RNLS: variants seen among roughly 807,000 people sequenced by gnomAD.
RNLS encodes renalase, FAD dependent amine oxidase, also known as renalase.
Under a neutral mutation model 39.8 loss-of-function variants are expected in RNLS, and 39 were observed. The observed-to-expected ratio is 0.98, with a 90% confidence interval of 0.76 to 1.28. The LOEUF is 1.28. RNLS is among the 50% of genes most tolerant of loss of function. RNLS has a pLI of 0.00. For synonymous variants in RNLS, 147 were observed against 150.7 expected (o/e 0.98, Z 0.18); for missense variants, 410 against 413.3 (o/e 0.99, Z 0.07).
At chr10:88,494,049 C>T (rs1460582816) in intron 4 of RNLS, among the ~76,000 whole-genome samples, 1 of 152,054 alleles carries the variant, frequency 6.6e-6, no homozygotes, top group African/African-American at 2.4e-5. Context: ...AGTAGACACA[C>T]ACACAAAAAT....
intron 4 of RNLS, among the ~76,000 whole-genome samples, chr10:88,403,383 A>G (rs1395400140): frequency 1.3e-5 from 2 of 152,080 alleles, no homozygotes; most frequent in Admixed American, 1.3e-4. Flanking sequence ...GGTAAATAGA[A>G]ATTATTGTTA....
At chr10:88,248,615 C>G in the RNLS span, among the ~76,000 whole-genome samples, 1 of 152,092 alleles carries the variant, frequency 6.6e-6, no homozygotes, top group East Asian at 1.9e-4. Flanking sequence ...ATTCAATATT[C>G]CAAGTTCTGG....
At chr10:88,187,147 T>TATATATA in the RNLS span, among the ~76,000 whole-genome samples, 35 of 116,202 alleles carry the variant, frequency 3.0e-4, no homozygotes, top group African/African-American at 1.0e-3. Context: ...GCTCAAAAAA[T>TATATATA]ATATATATAT....
intron 4 of RNLS, among the ~76,000 whole-genome samples, chr10:88,487,876 G>C (rs1303676344): frequency 6.6e-6 from 1 of 152,098 alleles, no homozygotes; most frequent in Non-Finnish European, 1.5e-5. Context: ...CCATAAAAGG[G>C]ATACTAATCA....
In RNLS at chr10:88,530,792, A is replaced by G. The variant is rs1367930783; in HGVS notation, c.526+42111T>C. 2.6e-5 allele frequency among the ~76,000 whole-genome samples: 4 copies of G among 152,310 alleles called. No individual in the cohort carries two copies. The East Asian group carries it at 7.7e-4, about 29-fold the overall frequency. On this transcript the variant is annotated intron_variant, in intron 4 of 6. Transcript: ENST00000331772. The stretch of plus-strand genomic sequence containing the variant: ...ACTGAAAATATAACATTTTTCTCAC[A>G]AAATATGGCTTTGATTCTGGCTAAA...
chr10:88,230,803 T>C, the RNLS span, among the ~76,000 whole-genome samples: 1 of 152,246 alleles, frequency 6.6e-6, no homozygotes, highest in East Asian at 1.9e-4. Flanking sequence ...GATTATCCCA[T>C]TGGTTCCTCC....
At chr10:88,577,051 C>T (rs1850251722) in intron 3 of RNLS, among the ~76,000 whole-genome samples, 1 of 152,116 alleles carries the variant, frequency 6.6e-6, no homozygotes, top group Admixed American at 6.6e-5. Context: ...AGCAAAAGGA[C>T]CTGGCCCATC....
chr10:88,355,326 T>A (rs775379780), intron 5 of RNLS, among the ~76,000 whole-genome samples: 3 of 152,210 alleles, frequency 2.0e-5, no homozygotes, highest in Non-Finnish European at 2.9e-5. Context: ...TGTTCTGTTT[T>A]TTCCCCATCT....
At chr10:88,352,017 T>C (rs1162497884) in intron 5 of RNLS, among the ~76,000 whole-genome samples, 4 of 152,202 alleles carry the variant, frequency 2.6e-5, no homozygotes, top group African/African-American at 9.7e-5. Flanking sequence ...TATTGGTGTA[T>C]AAGAATGCTT....
In RNLS at chr10:88,583,229, C is replaced by T; in HGVS notation, c.-39G>A. ...AGCGATCCGCGCTGAGTCTCTGCGG[C>T]GGGGCCGTTCGGCCCGGGCTTTCTG... On this transcript the variant is annotated 5_prime_UTR_variant, in exon 1 of 7. Coordinates refer to ENST00000331772, the MANE Select transcript of RNLS (RefSeq NM_001031709.3). The T allele has an allele frequency of 6.2e-7, 1 of 1,608,480 alleles. No individual in the cohort carries two copies. Among genetic ancestry groups the T allele is most frequent in the South Asian group, 1.1e-5 (1 of 90,700 alleles).
At chr10:88,522,298 T>C (rs564831874) in intron 4 of RNLS, among the ~76,000 whole-genome samples, 2 of 152,202 alleles carry the variant, frequency 1.3e-5, no homozygotes, top group South Asian at 2.1e-4. Context: ...TTTAATCCTA[T>C]GCAAAGTGGG....
At chr10:88,257,541 A>G in the RNLS span, among the ~76,000 whole-genome samples, 9 of 152,194 alleles carry the variant, frequency 5.9e-5, no homozygotes, top group Non-Finnish European at 1.3e-4. Flanking sequence ...AGCAGATAGT[A>G]TGTTAAGTGA....
the RNLS span, among the ~76,000 whole-genome samples, chr10:88,259,983 G>A: frequency 3.3e-5 from 5 of 152,028 alleles, no homozygotes; most frequent in Admixed American, 6.6e-5. Context: ...CTCGTGATCC[G>A]CCCGCCTCGG....
chr10:88,312,391 G>C (rs1235556884), intron 6 of RNLS, among the ~76,000 whole-genome samples: 1 of 152,188 alleles, frequency 6.6e-6, no homozygotes. Flanking sequence ...AAGAAATGCA[G>C]CCTGACCACA....
At chr10:88,545,438 G>A in intron 4 of RNLS, 1 of 456,244 alleles carries the variant, frequency 2.2e-6, no homozygotes, top group South Asian at 1.5e-5. Flanking sequence ...GACAAAGAAA[G>A]AGCAAAGGCA....
At chr10:88,204,831 A>G in the RNLS span, among the ~76,000 whole-genome samples, 1 of 152,150 alleles carries the variant, frequency 6.6e-6, no homozygotes, top group Non-Finnish European at 1.5e-5. Context: ...AAAAAAATGT[A>G]TTGAATGCTT....
intron 4 of RNLS, among the ~76,000 whole-genome samples, chr10:88,442,179 T>G (rs1443166610): frequency 6.6e-6 from 1 of 152,222 alleles, no homozygotes; most frequent in East Asian, 1.9e-4. Flanking sequence ...TAGGATAATA[T>G]GTTTCAATGT....
At chr10:88,573,097 A>G in intron 3 of RNLS, 36 bp from the exon 4 acceptor site, 1 of 1,602,150 alleles carries the variant, frequency 6.2e-7, no homozygotes, top group African/African-American at 1.3e-5. Context: ...CCATTATCAG[A>G]ATTGCATATA....
chr10:88,393,995 G>C (rs1248283825), intron 4 of RNLS, among the ~76,000 whole-genome samples: 1 of 152,162 alleles, frequency 6.6e-6, no homozygotes, highest in Non-Finnish European at 1.5e-5. Flanking sequence ...GCCATATGTA[G>C]AAAGCTGAAA....
Sources: allele counts gnomAD v4.1 joint callset (sites outside exome capture counted in the v4.1 genomes callset), GRCh38; gene constraint gnomAD v4.1.1; transcripts MANE v1.5; gene names NCBI Gene and HGNC (gene_info 2026-07-23, HGNC 2026-07-21).